The following CFAP299 variants were observed in gnomAD, a reference collection of about 807,000 sequenced individuals.
CFAP299 encodes cilia and flagella associated protein 299.
Under a neutral mutation model 27.0 loss-of-function variants are expected in CFAP299, and 21 were observed. The observed-to-expected ratio is 0.78, with a 90% confidence interval of 0.55 to 1.12. The LOEUF (loss-of-function observed/expected upper bound fraction) is 1.12. Ranked by LOEUF, CFAP299 falls within the 50% of genes most tolerant of loss-of-function variation. The pLI is 0.00. For synonymous variants in CFAP299, 104 were observed against 98.1 expected, an observed-to-expected ratio of 1.06 and a Z score of -0.36; for missense variants, 310 against 276.6, an observed-to-expected ratio of 1.12 and a Z score of -0.86.
chr4:80,413,096 G>A (rs539955301), intron 2 of CFAP299, among the ~76,000 whole-genome samples: 2 of 152,184 alleles, frequency 1.3e-5, no homozygotes, highest in South Asian at 4.2e-4. Context: ...GAAGAGAGTG[G>A]ACCTTGTTTG....
chr4:80,813,370 T>C (rs1017673116), intron 3 of CFAP299, among the ~76,000 whole-genome samples: 3 of 151,924 alleles, frequency 2.0e-5, no homozygotes, highest in African/African-American at 7.2e-5. Context: ...AAAAAAGGAA[T>C]TTTTTCTGGA....
At chr4:80,835,811 A>AT (rs1430668149) in intron 3 of CFAP299, among the ~76,000 whole-genome samples, 2 of 152,138 alleles carry the variant, frequency 1.3e-5, no homozygotes, top group African/African-American at 2.4e-5. Flanking sequence ...AGTCTGGCAA[A>AT]TTTTTATAAC....
intron 2 of CFAP299, among the ~76,000 whole-genome samples, chr4:80,503,566 T>A (rs1731844343): frequency 1.3e-5 from 2 of 152,138 alleles, no homozygotes; most frequent in Non-Finnish European, 2.9e-5. Context: ...GATTCCTCCA[T>A]ATATAACCTG....
At chr4:80,945,140 G>A (rs1015516583) in intron 5 of CFAP299, among the ~76,000 whole-genome samples, 2 of 152,206 alleles carry the variant, frequency 1.3e-5, no homozygotes, top group Admixed American at 6.5e-5. Context: ...ATAAGAAAGA[G>A]TTTAGGGGGA....
At chr4:80,692,243 C>G (rs1418640443) in intron 3 of CFAP299, among the ~76,000 whole-genome samples, 1 of 152,184 alleles carries the variant, frequency 6.6e-6, no homozygotes, top group Non-Finnish European at 1.5e-5. Context: ...CCAAGTCAAT[C>G]CTGAGCCAAA....
intron 3 of CFAP299, among the ~76,000 whole-genome samples, chr4:80,738,343 A>G (rs568681277): frequency 6.6e-6 from 1 of 152,044 alleles, no homozygotes; most frequent in Non-Finnish European, 1.5e-5. Flanking sequence ...AAGTCTTCAG[A>G]TACTATTTAT....
At chr4:80,934,163 T>A (rs1363419693) in intron 4 of CFAP299, among the ~76,000 whole-genome samples, 1 of 152,128 alleles carries the variant, frequency 6.6e-6, no homozygotes, top group Non-Finnish European at 1.5e-5. Context: ...TCAAATGCTT[T>A]TTTTTGCATC....
intron 5 of CFAP299, among the ~76,000 whole-genome samples, chr4:80,955,728 G>A (rs574192506): frequency 5.3e-4 from 81 of 152,272 alleles, no homozygotes; most frequent in African/African-American, 1.7e-3. Flanking sequence ...TAGGCCAGGC[G>A]CGGTGGCTCA....
chr4:80,607,301 A>T (rs925295074), intron 3 of CFAP299, among the ~76,000 whole-genome samples: 3 of 152,142 alleles, frequency 2.0e-5, no homozygotes, highest in Non-Finnish European at 4.4e-5. Flanking sequence ...ATCTCCTTAG[A>T]TAGACAAGAA....
chr4:80,737,607 A>G (rs1188857873), intron 3 of CFAP299, among the ~76,000 whole-genome samples: 2 of 152,022 alleles, frequency 1.3e-5, no homozygotes, highest in East Asian at 3.9e-4. Context: ...TGATAATTTG[A>G]ATTTCTGTGA....
chr4:80,944,860 A>T lies in CFAP299; in HGVS notation c.527A>T (p.Tyr176Phe). 1 of 1,612,036 alleles carries T rather than the reference A, an allele frequency of 6.2e-7. No homozygotes were observed. The highest frequency in any genetic ancestry group is 2.2e-5 in the East Asian group (1 of 44,742). Reference protein sequence around the residue: ...DIAVSNSSPNYQVIADNPEGL... With the variant: ...DIAVSNSSPNFQVIADNPEGL... ...GCTGTTAGTAATTCAAGTCCCAACT[A>T]TCAAGTGATTGCCGATAATCCAGAA... The change falls in exon 5 of 6, where the codon TAT becomes TTT. Residue 176 changes from tyrosine (Y) to phenylalanine (F), a missense_variant. Tyr to Phe is a conservative substitution (Grantham distance 22). Transcript: ENST00000358105.
At chr4:80,518,463 G>A (rs542983097) in intron 2 of CFAP299, among the ~76,000 whole-genome samples, 5 of 152,232 alleles carry the variant, frequency 3.3e-5, no homozygotes, top group African/African-American at 9.6e-5. Context: ...TGCGAGTTCC[G>A]TACAGGAGAA....
chr4:80,513,246 C>T (rs960120074), intron 2 of CFAP299, among the ~76,000 whole-genome samples: 2 of 152,030 alleles, frequency 1.3e-5, no homozygotes, highest in African/African-American at 2.4e-5. Flanking sequence ...AAGTGTTATA[C>T]TTAAACAATT....
chr4:80,374,221 G>C (rs1348172245), intron 2 of CFAP299, among the ~76,000 whole-genome samples: 1 of 152,150 alleles, frequency 6.6e-6, no homozygotes, highest in African/African-American at 2.4e-5. Flanking sequence ...CTCTGACCTA[G>C]AATCCCCAGA....
At chr4:80,507,005 CA>C (rs1460755847) in intron 2 of CFAP299, among the ~76,000 whole-genome samples, 1 of 152,080 alleles carries the variant, frequency 6.6e-6, no homozygotes, top group African/African-American at 2.4e-5. Flanking sequence ...GGGTTGTTTG[CA>C]TTTTAATAGA....
At position 80,926,129 on chromosome 4, in the gene CFAP299, C is replaced by T. The variant is rs551766644; in HGVS notation, c.477-18681C>T. On this transcript the variant is annotated intron_variant, in intron 4 of 5. Coordinates refer to ENST00000358105, the MANE Select transcript of CFAP299 (RefSeq NM_152770.3). ...GAGATAGTAGTCCAGGCAAAGAAAA[C>T]AGTATGCTCCCAGGTAGGAGGCACT... 9.2e-5 allele frequency among the ~76,000 whole-genome samples: 14 copies of T among 152,138 alleles called. No homozygotes were observed. In the South Asian group the frequency reaches 2.9e-3, roughly 32 times the overall value.
At chr4:80,381,767 G>T (rs963984484) in intron 2 of CFAP299, among the ~76,000 whole-genome samples, 3 of 152,084 alleles carry the variant, frequency 2.0e-5, no homozygotes, top group African/African-American at 7.2e-5. Context: ...CAGTTGACTT[G>T]GTTTGTTGCA....
Position 80,855,379 on chromosome 4 carries a change from TTTATC to T in CFAP299, c.334-14609_334-14605del, listed in dbSNP as rs1429690294. On this transcript the variant is annotated intron_variant, in intron 3 of 5. Transcript: ENST00000358105. The stretch of plus-strand genomic sequence containing the variant: ...TCCTTTATAAATCATCTTATTCTTT[TTTATC>T]TTATTTTCTTTTTATTTATTTATTT... Among the ~76,000 whole-genome samples, 16 of 152,004 alleles carry T rather than the reference TTTATC, an allele frequency of 1.1e-4. 1 individual carries two copies. The East Asian group carries it at 2.5e-3, about 24-fold the overall frequency.
intron 2 of CFAP299, among the ~76,000 whole-genome samples, chr4:80,464,171 C>A (rs62303527): frequency 0.028 from 4,304 of 152,140 alleles, 89 homozygotes; most frequent in Non-Finnish European, 0.045. Context: ...AATTATAACT[C>A]CCCAAAAATG....
Sources: gnomAD v4.1 joint callset for allele counts (sites outside exome capture counted in the v4.1 genomes callset) on GRCh38, gnomAD v4.1.1 for gene constraint, MANE v1.5 for transcripts, NCBI Gene and HGNC (gene_info 2026-07-23, HGNC 2026-07-21) for gene names.